Variants in SLC9A3 observed in about 807,000 individuals in gnomAD.
The protein encoded by SLC9A3 is sodium/hydrogen exchanger 3.
SLC9A3 carries 37 observed loss-of-function variants against 86.8 expected under a neutral mutation model. The ratio of observed to expected loss-of-function variants is 0.43; its 90% CI spans 0.33 to 0.56. The LOEUF (loss-of-function observed/expected upper bound fraction) is 0.56, where lower values mean the gene tolerates loss of function less well. SLC9A3 is among the 20% of genes least tolerant of loss of function. SLC9A3 has a pLI of 0.06. For missense variants in SLC9A3, 1,011 were observed against 1,171.9 expected (o/e 0.86, Z 2.00); for synonymous variants, 581 against 528.3 (o/e 1.10, Z -1.37).
rs558940523 is a variant in SLC9A3, at chr5:496,518, G to A, written c.212-4447C>T. On this transcript the variant is annotated intron_variant, in intron 1 of 16. Transcript: ENST00000264938. This position sits in a 1 kb window ranked among gnomAD's most constrained non-coding sequence, Gnocchi z 4.7. Reference sequence around the variant, plus strand: ...GGTTCTTCGTAAGCTGGAAAATCCAGCCTTTGCTTATGTCTTCAGCGGCAG... The same window carrying A: ...GGTTCTTCGTAAGCTGGAAAATCCAACCTTTGCTTATGTCTTCAGCGGCAG... 1.3e-5 allele frequency among the ~76,000 whole-genome samples: 2 copies of A among 152,370 alleles called. No homozygotes were observed. Among genetic ancestry groups the A allele is most frequent in the South Asian group, 2.1e-4 (1 of 4,822 alleles).
In SLC9A3 at chr5:475,019, T is replaced by C. The variant is rs2126602550; in HGVS notation, c.2365A>G (p.Thr789Ala). The change falls in exon 16 of 17, where the codon ACG becomes GCG. Residue 789 changes from threonine to alanine, a missense_variant. Physicochemically the swap from Thr to Ala is moderately conservative, Grantham distance 58. Around this residue, in one of 3 missense-constraint regions of SLC9A3, gnomAD observed 397 missense variants for 346.3 expected, o/e 1.15. Coordinates refer to ENST00000264938, the MANE Select transcript of SLC9A3 (RefSeq NM_004174.4). ...ETVVPSQRAR[T>A]QIPYSPGTFC... Reference sequence around the variant, plus strand: ...GTGCCGGGAGAGTAGGGAATCTGCGTGCGGGCCCTCTGCGAGGGGACCACC... The same window carrying C: ...GTGCCGGGAGAGTAGGGAATCTGCGCGCGGGCCCTCTGCGAGGGGACCACC... The C allele has an allele frequency of 3.7e-6, 6 of 1,612,280 alleles. No individual in the cohort carries two copies. The East Asian group carries it at 1.3e-4, about 36-fold the overall frequency.
rs1195507804 is a variant in SLC9A3, at chr5:513,528, G to A, written c.211+10584C>T. ...GGTGCACGAGTGATACCCAGGGTCT[G>A]TGCCACTGGGGTGTGCAGGGCAGAG... On this transcript the variant is annotated intron_variant, in intron 1 of 16. Coordinates refer to ENST00000264938, the MANE Select transcript of SLC9A3 (RefSeq NM_004174.4). Among the ~76,000 whole-genome samples the A allele has an allele frequency of 3.9e-5, 6 of 152,196 alleles. No homozygotes were observed. In the South Asian group the frequency reaches 8.3e-4, roughly 21 times the overall value.
At position 484,591 on chromosome 5, in the gene SLC9A3, G is replaced by A. The variant is rs766208285; in HGVS notation, c.861C>T (p.Pro287=). The A allele has an allele frequency of 4.0e-5, 64 of 1,613,228 alleles. No homozygotes were observed. Among genetic ancestry groups the A allele is most frequent in the Admixed American group, 1.0e-4 (6 of 60,010 alleles). ...RFTKHVRIIE[P]GFVFIISYLS... is the part of the protein sequence containing the mutation. ...GGTAGGAGATGATGAACACGAAGCC[G>A]GGCTCGATGATACGCACATGCTTGG... Residue 287 remains proline (P), a synonymous_variant, in exon 5 of 17, where the codon CCC becomes CCT. Coordinates refer to ENST00000264938, the MANE Select transcript of SLC9A3 (RefSeq NM_004174.4).
At chr5:501,913 G>T (rs867165496) in intron 1 of SLC9A3, among the ~76,000 whole-genome samples, 1 of 152,358 alleles carries the variant, frequency 6.6e-6, no homozygotes, top group Middle Eastern at 3.4e-3. Context: ...CGGCTCCCGG[G>T]GGCCACGCAG....
chr5:487,868 A>G lies in SLC9A3; in HGVS notation c.675+448T>C, dbSNP rs1298024104. On this transcript the variant is annotated intron_variant, in intron 3 of 16. Transcript: ENST00000264938. ...TTTTTAGTAGAGACGGGGTTTCACC[A>G]TGTTGGCCAGGCTGGTCTCGAACTG... is the stretch of plus-strand genomic sequence containing the variant. Among the ~76,000 whole-genome samples the G allele has an allele frequency of 2.6e-5, 4 of 151,976 alleles. No individual in the cohort carries two copies. In the East Asian group the frequency reaches 7.7e-4, roughly 29 times the overall value.
chr5:482,945 C>T (rs888605923), intron 6 of SLC9A3, among the ~76,000 whole-genome samples, 195 bp from the exon 7 acceptor site: 3 of 151,508 alleles, frequency 2.0e-5, no homozygotes, highest in Admixed American at 1.3e-4. Flanking sequence ...CTCCCCCCCA[C>T]GCTCCGTGCA....
chr5:503,578 C>A (rs993521194), intron 1 of SLC9A3, among the ~76,000 whole-genome samples: 2 of 152,110 alleles, frequency 1.3e-5, no homozygotes, highest in African/African-American at 4.8e-5. Flanking sequence ...GAGAATGGGG[C>A]GGGGAAACCT....
rs1298702713 is a variant in SLC9A3, at chr5:470,777, AATT to A, written c.*2599_*2601del. On this transcript the variant is annotated 3_prime_UTR_variant, in exon 17 of 17. Coordinates refer to ENST00000264938, the MANE Select transcript of SLC9A3 (RefSeq NM_004174.4). ...CACAGTATATTGAACTCTGTAACAAAATTATTTTTGAGAAAATACAGAAGTGAG... is the reference window on the plus strand; with the variant it reads ...CACAGTATATTGAACTCTGTAACAAAATTTTTGAGAAAATACAGAAGTGAG... 6.6e-6 allele frequency: 1 copy of A among 152,366 alleles called. No individual in the cohort carries two copies. Among genetic ancestry groups the A allele is most frequent in the Non-Finnish European group, 1.5e-5 (1 of 68,050 alleles). 9.4% of individuals were successfully genotyped at this position (152,366 alleles called of 1,614,324 possible). A position where few individuals can be genotyped will look rare whatever the true frequency, so the allele number is the denominator to read the frequency against.
At chr5:514,767 C>A (rs1361659511) in intron 1 of SLC9A3, among the ~76,000 whole-genome samples, 2 of 152,228 alleles carry the variant, frequency 1.3e-5, no homozygotes, top group African/African-American at 4.8e-5. Flanking sequence ...TTAAAGAAAC[C>A]CTTTCCCAAC....
rs1238008613 is a variant in SLC9A3, at chr5:473,159, C to CGCAGGCCCCGCCCCCGGT, written c.*219_*220insACCGGGGGCGGGGCCTGC. The stretch of plus-strand genomic sequence containing the variant: ...CTCGGCGCTCCGGCCCCGCCCCCGG[C>CGCAGGCCCCGCCCCCGGT]GCAGGCCCCGCCCCCGGCTCGCCCT... On this transcript the variant is annotated 3_prime_UTR_variant, in exon 17 of 17. Transcript: ENST00000264938. 7.5e-6 allele frequency: 3 copies of CGCAGGCCCCGCCCCCGGT among 401,562 alleles called. No individual in the cohort carries two copies. The highest frequency in any genetic ancestry group is 4.7e-5 in the East Asian group (1 of 21,184). 24.9% of individuals were successfully genotyped at this position (401,562 alleles called of 1,614,324 possible).
intron 3 of SLC9A3, among the ~76,000 whole-genome samples, chr5:485,871 G>T (rs1413004540): frequency 2.0e-5 from 3 of 152,188 alleles, no homozygotes; most frequent in Admixed American, 2.0e-4. Context: ...GGCCCATGAG[G>T]GTCCCGGGGT....
In SLC9A3 at chr5:483,494, G is replaced by A. The variant is rs1296079719; in HGVS notation, c.933-12C>T. The A allele has an allele frequency of 6.4e-7, 1 of 1,555,732 alleles. No homozygotes were observed. The highest frequency in any genetic ancestry group is 8.7e-7 in the Non-Finnish European group (1 of 1,148,024). ...CACAGAAGGTGATGCTGCAGGGACA[G>A]ACGCGCCTCAGGACACGGCCACCTG... On this transcript the variant is annotated splice_polypyrimidine_tract_variant and intron_variant, in intron 5 of 16. Coordinates refer to ENST00000264938, the MANE Select transcript of SLC9A3 (RefSeq NM_004174.4).
chr5:488,561 G>A (rs939335307), intron 2 of SLC9A3, 85 bp from the exon 3 acceptor site: 45 of 1,358,802 alleles, frequency 3.3e-5, no homozygotes, highest in South Asian at 1.4e-4. Flanking sequence ...CCTACGGGTC[G>A]GGGTTCGGAG....
chr5:498,871 G>A (rs1451462863), intron 1 of SLC9A3, among the ~76,000 whole-genome samples: 1 of 152,202 alleles, frequency 6.6e-6, no homozygotes, highest in African/African-American at 2.4e-5. Flanking sequence ...CCATTCTCCT[G>A]TGGCAGAGGA....
At chr5:485,359 C>T in intron 3 of SLC9A3, 128 bp from the exon 4 acceptor site, 1 of 737,686 alleles carries the variant, frequency 1.4e-6, no homozygotes, top group Non-Finnish European at 2.4e-6. Context: ...GAAGGAAAAT[C>T]ATCACAGGGC....
At position 471,666 on chromosome 5, in the gene SLC9A3, C is replaced by A; in HGVS notation, c.*1713G>T. On this transcript the variant is annotated 3_prime_UTR_variant, in exon 17 of 17. Coordinates refer to ENST00000264938, the MANE Select transcript of SLC9A3 (RefSeq NM_004174.4). Reference sequence around the variant, plus strand: ...GCATAGAGGATGGCTGCATTTTGTGCTCAGAGTTGGTTGAAATGGCTACGA... The same window carrying A: ...GCATAGAGGATGGCTGCATTTTGTGATCAGAGTTGGTTGAAATGGCTACGA... 1 of 420,624 alleles carries A rather than the reference C, an allele frequency of 2.4e-6. No individual in the cohort carries two copies. Among genetic ancestry groups the A allele is most frequent in the Non-Finnish European group, 4.8e-6 (1 of 208,828 alleles). The allele number at this position is 420,624 out of a possible 1,614,324, so 26.1% of individuals were successfully genotyped here.
intron 2 of SLC9A3, 50 bp from the exon 3 acceptor site, chr5:488,526 G>T (rs1389093795): frequency 2.7e-6 from 4 of 1,479,210 alleles, no homozygotes; most frequent in Non-Finnish European, 3.6e-6. Context: ...GCCACCCGAG[G>T]AGGAGGGCCC....
rs1380181375 is a variant in SLC9A3, at chr5:472,368, C to T, written c.*1011G>A. The T allele has an allele frequency of 1.2e-5, 4 of 334,416 alleles. No individual in the cohort carries two copies. Among genetic ancestry groups the T allele is most frequent in the Non-Finnish European group, 2.3e-5 (4 of 171,540 alleles). The allele number at this position is 334,416 out of a possible 1,614,324, so 20.7% of individuals were successfully genotyped here. ...GGCGGTGCCCTGGGCCCCTCCATGC[C>T]CCCTGGTTTGTTAAGGGGGACAGAG... On this transcript the variant is annotated 3_prime_UTR_variant, in exon 17 of 17. Coordinates refer to ENST00000264938, the MANE Select transcript of SLC9A3 (RefSeq NM_004174.4).
intron 1 of SLC9A3, among the ~76,000 whole-genome samples, chr5:498,520 A>G (rs972784831): frequency 1.3e-5 from 2 of 152,172 alleles, no homozygotes; most frequent in Non-Finnish European, 2.9e-5. Context: ...CTCCTGCCTC[A>G]GCCTCTGAGT....
Sources: allele counts gnomAD v4.1 joint callset (sites outside exome capture counted in the v4.1 genomes callset), GRCh38; gene constraint gnomAD v4.1.1; regional missense constraint gnomAD v4.1.1; non-coding constraint Gnocchi (gnomAD v3.1); transcripts MANE v1.5; gene names NCBI Gene and HGNC (gene_info 2026-07-23, HGNC 2026-07-21).